The following PDE11A variants were observed in gnomAD, a reference collection of about 807,000 sequenced individuals.
The protein encoded by PDE11A is dual 3',5'-cyclic-AMP and -GMP phosphodiesterase 11A.
A neutral mutation model predicts 100.5 loss-of-function variants in PDE11A; 100 were observed. That is an observed-to-expected ratio of 1.00 (90% CI 0.85 to 1.18). The LOEUF (loss-of-function observed/expected upper bound fraction) is 1.18. Ranked by LOEUF, PDE11A falls within the 50% of genes most tolerant of loss-of-function variation. The pLI, the probability that PDE11A is intolerant of heterozygous loss-of-function variation, is 0.00. For missense variants in PDE11A, 1,141 were observed against 1,152.6 expected (o/e 0.99, Z 0.15); for synonymous variants, 381 against 420.8 (o/e 0.91, Z 1.16).
intron 2 of PDE11A, among the ~76,000 whole-genome samples, chr2:177,923,579 T>C (rs1308376789): frequency 6.6e-6 from 1 of 152,152 alleles, no homozygotes. Flanking sequence ...AATCCTCTAG[T>C]AGACTTAGCC....
At chr2:177,938,972 A>C (rs1328085131) in intron 2 of PDE11A, among the ~76,000 whole-genome samples, 3 of 152,224 alleles carry the variant, frequency 2.0e-5, no homozygotes, top group Non-Finnish European at 4.4e-5. Flanking sequence ...CCAGTGGCAC[A>C]CCAAGGAGAC....
At chr2:177,898,255 TTTC>T (rs1278222944) in intron 3 of PDE11A, 57 bp from the exon 4 acceptor site, 1 of 1,241,076 alleles carries the variant, frequency 8.1e-7, no homozygotes, top group African/African-American at 1.5e-5. Context: ...AAAAGTTGCT[TTTC>T]TTCTTAAAAT....
In PDE11A at chr2:178,072,625, C is replaced by T. The variant is rs879154670; in HGVS notation, c.-188G>A. The T allele has an allele frequency of 2.7e-6, 4 of 1,485,330 alleles. No individual in the cohort carries two copies. Among genetic ancestry groups the T allele is most frequent in the Middle Eastern group, 4.8e-4 (2 of 4,128 alleles). The allele number at this position is 1,485,330 out of a possible 1,614,324, so 92.0% of individuals were successfully genotyped here. On this transcript the variant is annotated 5_prime_UTR_variant, in exon 1 of 20. Coordinates refer to ENST00000286063, the MANE Select transcript of PDE11A (RefSeq NM_016953.4). ...TCCTTCTCTGGCTCAGAGTGGCTGGCGCCGACCCCACCCCGTGGTCCTGCT... is the reference window on the plus strand; with the variant it reads ...TCCTTCTCTGGCTCAGAGTGGCTGGTGCCGACCCCACCCCGTGGTCCTGCT...
In PDE11A at chr2:178,099,438, T is replaced by A. The variant is rs1172238126; in HGVS notation, c.162+4864A>T. 8.8e-5 allele frequency among the ~76,000 whole-genome samples: 10 copies of A among 114,038 alleles called. No homozygotes were observed. The South Asian group carries it at 2.4e-3, about 27-fold the overall frequency. 74.8% of individuals were successfully genotyped at this position (114,038 alleles called of 152,430 possible). ...GGGTGACAGAGTGAGTGAGACTCCATCTCAAGAGAAAAAAAAAAAAAAAAA... is the reference window on the plus strand; with the variant it reads ...GGGTGACAGAGTGAGTGAGACTCCAACTCAAGAGAAAAAAAAAAAAAAAAA... On this transcript the variant is annotated intron_variant, in intron 2 of 20. Coordinates refer to the PDE11A transcript ENST00000358450.
intron 10 of PDE11A, among the ~76,000 whole-genome samples, chr2:177,758,296 C>CAA (rs78765770): frequency 0.016 from 1,029 of 64,102 alleles, 26 homozygotes; most frequent in African/African-American, 0.048. Context: ...GACTCCGTCT[C>CAA]AAAAAAAAAA....
intron 10 of PDE11A, among the ~76,000 whole-genome samples, chr2:177,767,844 G>A (rs1170394229): frequency 2.0e-5 from 3 of 152,146 alleles, no homozygotes; most frequent in Admixed American, 2.0e-4. Flanking sequence ...AGGCAGGAGA[G>A]ATACAGCAGT....
intron 10 of PDE11A, among the ~76,000 whole-genome samples, chr2:177,747,003 G>C (rs1268707575): frequency 6.6e-6 from 1 of 152,138 alleles, no homozygotes; most frequent in East Asian, 1.9e-4. Flanking sequence ...ATAGAGGCAG[G>C]GTATGAAGTG....
chr2:178,092,990 GT>G (rs932154293), intron 2 of PDE11A: 2 of 152,214 alleles, frequency 1.3e-5, no homozygotes, highest in East Asian at 3.8e-4. Flanking sequence ...TAAGTTTTAA[GT>G]TTGTGTAGTT....
intron 5 of PDE11A, among the ~76,000 whole-genome samples, chr2:177,844,355 A>C (rs2083543874): frequency 6.6e-6 from 1 of 152,020 alleles, no homozygotes; most frequent in South Asian, 2.1e-4. Context: ...GATTCCATTC[A>C]TAAGAGCTCC....
chr2:177,998,066 CCA>C, intron 2 of PDE11A: 1 of 1,302,978 alleles, frequency 7.7e-7, no homozygotes, highest in Non-Finnish European at 1.1e-6. Flanking sequence ...AAGAGCCTGC[CCA>C]CACACTCAGG....
At chr2:177,927,627 A>G (rs566142214) in intron 2 of PDE11A, among the ~76,000 whole-genome samples, 2 of 152,204 alleles carry the variant, frequency 1.3e-5, no homozygotes, top group Non-Finnish European at 2.9e-5. Context: ...ATATCAAATC[A>G]TTGGTAAAAT....
upstream of PDE11A, among the ~76,000 whole-genome samples, chr2:178,074,652 C>A (rs2087184661): frequency 6.6e-6 from 1 of 152,042 alleles, no homozygotes. Flanking sequence ...GCTCTGGGGA[C>A]AAAAGAAGAC....
chr2:177,631,307 A>AC (rs2079917482), intron 19 of PDE11A, among the ~76,000 whole-genome samples: 1 of 43,198 alleles, frequency 2.3e-5, no homozygotes, highest in Admixed American at 3.1e-4. Flanking sequence ...AAAAAAAAAA[A>AC]AAACAAAAAA....
At chr2:177,913,272 G>A (rs939847826) in intron 2 of PDE11A, among the ~76,000 whole-genome samples, 4 of 151,944 alleles carry the variant, frequency 2.6e-5, no homozygotes, top group East Asian at 1.9e-4. Context: ...AAATCTCTCC[G>A]AATCCCATTA....
chr2:177,951,640 A>G (rs1316523634), intron 2 of PDE11A, among the ~76,000 whole-genome samples: 1 of 152,186 alleles, frequency 6.6e-6, no homozygotes, highest in Non-Finnish European at 1.5e-5. Flanking sequence ...CTGAGACTCA[A>G]TCCCAAAGGG....
intron 10 of PDE11A, among the ~76,000 whole-genome samples, chr2:177,734,331 C>A (rs1559165554): frequency 6.6e-6 from 1 of 152,012 alleles, no homozygotes; most frequent in Non-Finnish European, 1.5e-5. Context: ...TCTCGGGGAG[C>A]AAACAATGAG....
intron 9 of PDE11A, among the ~76,000 whole-genome samples, chr2:177,815,976 C>T (rs984625619): frequency 2.6e-5 from 4 of 152,146 alleles, no homozygotes; most frequent in Admixed American, 1.3e-4. Flanking sequence ...TTTGGGAGGC[C>T]AAGGCGGGCA....
chr2:177,876,497 G>A (rs1215797544), intron 4 of PDE11A, among the ~76,000 whole-genome samples: 1 of 148,376 alleles, frequency 6.7e-6, no homozygotes, highest in Non-Finnish European at 1.5e-5. Context: ...TGCGAGAGTT[G>A]ACCAAGGCTT....
intron 12 of PDE11A, among the ~76,000 whole-genome samples, chr2:177,716,402 C>T (rs1247540476): frequency 1.3e-5 from 2 of 152,164 alleles, no homozygotes; most frequent in African/African-American, 4.8e-5. Context: ...CACACCCTCA[C>T]CTCTGAAGAC....
Sources: gnomAD v4.1 joint callset for allele counts (sites outside exome capture counted in the v4.1 genomes callset) on GRCh38, gnomAD v4.1.1 for gene constraint, MANE v1.5 for transcripts, NCBI Gene and HGNC (gene_info 2026-07-23, HGNC 2026-07-21) for gene names.